COL18A1: variants seen among roughly 807,000 people sequenced by gnomAD.
The protein encoded by COL18A1 is collagen type XVIII alpha 1 chain.
COL18A1 carries 133 observed loss-of-function variants against 168.0 expected under a neutral mutation model. The observed-to-expected ratio is 0.79, with a 90% CI of 0.69 to 0.91. The LOEUF is 0.91. Ranked by LOEUF, COL18A1 falls within the 40% of genes least tolerant of loss-of-function variation. COL18A1 has a pLI of 0.00. For missense variants in COL18A1, 2,126 were observed against 1,925.4 expected, an observed-to-expected ratio of 1.10 and a Z score of -1.95; for synonymous variants, 949 against 809.0, an observed-to-expected ratio of 1.17 and a Z score of -2.94.
intron 2 of COL18A1, among the ~76,000 whole-genome samples, chr21:45,462,555 A>G (rs946972946): frequency 1.4e-4 from 21 of 152,040 alleles, no homozygotes; most frequent in African/African-American, 4.6e-4. Context: ...TGATGTTTTC[A>G]ATTTCAGCTA....
intron 19 of COL18A1, among the ~76,000 whole-genome samples, chr21:45,489,781 C>T (rs1201890858): frequency 1.3e-5 from 2 of 150,728 alleles, no homozygotes; most frequent in African/African-American, 2.4e-5. Context: ...CTGTGCAGGC[C>T]CCGTCGGCCC....
At chr21:45,481,764 C>G (rs977433852) in intron 13 of COL18A1, among the ~76,000 whole-genome samples, 199 bp from the exon 14 acceptor site, 6 of 152,242 alleles carry the variant, frequency 3.9e-5, no homozygotes, top group Non-Finnish European at 5.9e-5. Context: ...GCCATCTCAT[C>G]CTGCCAATGT....
rs1188793412 is a variant in COL18A1 at position 45,443,088 on chromosome 21, G to C, written c.107-25154G>C. Reference sequence around the variant, plus strand: ...TGGTGCTGGTGTGGGTGGTGGTGGTGCTGATGTGGGCGGCGGTGCTGGTGT... The same window carrying C: ...TGGTGCTGGTGTGGGTGGTGGTGGTCCTGATGTGGGCGGCGGTGCTGGTGT... On this transcript the variant is annotated intron_variant, in intron 2 of 41. Transcript: ENST00000651438. This position sits in a 1 kb window ranked among gnomAD's most constrained non-coding sequence, Gnocchi z 5.2. Among the ~76,000 whole-genome samples the C allele has an allele frequency of 3.0e-4, 41 of 135,588 alleles. 6 individuals are homozygous for C. The highest frequency in any genetic ancestry group is 1.2e-3 in the African/African-American group (40 of 34,334). The allele number at this position is 135,588 out of a possible 152,430, so 89.0% of individuals were successfully genotyped here.
intron 9 of COL18A1, among the ~76,000 whole-genome samples, chr21:45,479,613 A>G (rs1297460713): frequency 6.9e-6 from 1 of 145,170 alleles, no homozygotes; most frequent in African/African-American, 2.5e-5. Flanking sequence ...ACACACACAC[A>G]CACATGTATG....
chr21:45,407,024 G>A (rs1337034632), intron 2 of COL18A1, among the ~76,000 whole-genome samples: 1 of 152,166 alleles, frequency 6.6e-6, no homozygotes, highest in Non-Finnish European at 1.5e-5. Flanking sequence ...GTGGAAGGCG[G>A]GTGGCCAGGA....
rs116386571 is a variant in COL18A1, at chr21:45,433,962, G to T, written c.106+28489G>T. Reference sequence around the variant, plus strand: ...GCACGGTGGGAAAGAGACCATCAGGGGCGGAGGGGAATGAACACCCACCCT... The same window carrying T: ...GCACGGTGGGAAAGAGACCATCAGGTGCGGAGGGGAATGAACACCCACCCT... On this transcript the variant is annotated intron_variant, in intron 2 of 41. Coordinates refer to ENST00000651438, the MANE Select transcript of COL18A1 (RefSeq NM_001379500.1). Among the ~76,000 whole-genome samples the T allele has an allele frequency of 5.3e-3, 808 of 152,052 alleles. 9 individuals carry two copies. The highest frequency in any genetic ancestry group is 0.019 in the African/African-American group (785 of 41,386).
intron 15 of COL18A1, among the ~76,000 whole-genome samples, chr21:45,484,478 C>T (rs994116388): frequency 2.0e-5 from 3 of 150,614 alleles, no homozygotes; most frequent in African/African-American, 7.4e-5. Flanking sequence ...CACGCCTCTC[C>T]AGCATATGTG....
intron 2 of COL18A1, among the ~76,000 whole-genome samples, chr21:45,466,865 C>T (rs566960764): frequency 9.8e-5 from 15 of 152,364 alleles, no homozygotes; most frequent in African/African-American, 2.9e-4. Flanking sequence ...GTGGCTGGCA[C>T]GGCCTCTGGC....
chr21:45,481,554 T>C (rs3818660), intron 13 of COL18A1, among the ~76,000 whole-genome samples: 5,246 of 152,320 alleles, frequency 0.034, 225 homozygotes, highest in East Asian at 0.094. Flanking sequence ...CCGATGGGCA[T>C]TCACCGTCAC....
chr21:45,417,442 C>T (rs1037929808), intron 2 of COL18A1, among the ~76,000 whole-genome samples: 16 of 152,328 alleles, frequency 1.1e-4, no homozygotes, highest in South Asian at 4.1e-4. Flanking sequence ...GGCCCTTTCA[C>T]CTGCAGGTTC....
At position 45,505,388 on chromosome 21, in the gene COL18A1, CT is replaced by C. The variant is rs769432194; in HGVS notation, c.3045del (p.Pro1018LeufsTer13). 1.0e-5 allele frequency: 16 copies of C among 1,571,792 alleles called. No individual in the cohort carries two copies. Among genetic ancestry groups the C allele is most frequent in the Non-Finnish European group, 8.7e-7 (1 of 1,149,168 alleles). On this transcript the variant is annotated frameshift_variant, in exon 36 of 42. Coordinates refer to ENST00000651438, the MANE Select transcript of COL18A1 (RefSeq NM_001379500.1). LOFTEE classifies it high-confidence loss of function. ...AGCGTTCCCGGCCCTCCGGGCCCCC[CT>C]GGGCCCCCTGGGCCCCCTGGAACCA... ...TISVPGPPGP[P>X]GPPGPPGTMG...
Position 45,509,439 on chromosome 21 carries a change from C to T in COL18A1, c.3333C>T (p.Pro1111=), listed in dbSNP as rs1380703389. The T allele has an allele frequency of 4.6e-6, 7 of 1,534,546 alleles. No individual in the cohort carries two copies. The highest frequency in any genetic ancestry group is 1.4e-5 in the African/African-American group (1 of 72,814). The change falls in exon 39 of 42, where the codon CCC becomes CCT. Residue 1111 remains proline, a synonymous_variant. Coordinates refer to ENST00000651438, the MANE Select transcript of COL18A1 (RefSeq NM_001379500.1). ...NPYPRREHPH[P]TARPWRADDI... ...ACCCGCGGCGGGAGCACCCCCACCC[C>T]ACCGCGCGGCCCTGGCGGGCAGATG...
intron 2 of COL18A1, among the ~76,000 whole-genome samples, chr21:45,454,429 G>A (rs1474942192): frequency 6.6e-6 from 1 of 152,194 alleles, no homozygotes; most frequent in Non-Finnish European, 1.5e-5. Context: ...AGGGACTCCA[G>A]CTGGGGGAGC....
chr21:45,444,773 G>C (rs1158859707), intron 2 of COL18A1, among the ~76,000 whole-genome samples: 2 of 152,132 alleles, frequency 1.3e-5, no homozygotes, highest in East Asian at 3.9e-4. Context: ...ATGACTCCGT[G>C]TCCATACCCT....
At chr21:45,416,697 G>A (rs2033457460) in intron 2 of COL18A1, among the ~76,000 whole-genome samples, 1 of 152,170 alleles carries the variant, frequency 6.6e-6, no homozygotes, top group Non-Finnish European at 1.5e-5. Context: ...GATTGGAGCT[G>A]CATGCTGACT....
In COL18A1 at chr21:45,468,760, G is replaced by T. The variant is rs751236712; in HGVS notation, c.625G>T (p.Gly209Trp). The T allele has an allele frequency of 1.2e-6, 2 of 1,604,160 alleles. No homozygotes were observed. Among genetic ancestry groups the T allele is most frequent in the Non-Finnish European group, 1.7e-6 (2 of 1,179,380 alleles). ...CGCCGGGCTCTTCGTGGCTCAGGCG[G>T]GGGGAGCGGACCCTGACAAGTTCCA... Reference protein sequence around the residue: ...PGAGLFVAQAGGADPDKFQGV... With the variant: ...PGAGLFVAQAWGADPDKFQGV... The change falls in exon 3 of 42, where the codon GGG becomes TGG. Residue 209 changes from glycine to tryptophan, a missense_variant. By Grantham distance (184) the Gly-to-Trp change is radical. Coordinates refer to ENST00000651438, the MANE Select transcript of COL18A1 (RefSeq NM_001379500.1).
chr21:45,507,232 G>A, intron 37 of COL18A1: 1 of 371,894 alleles, frequency 2.7e-6, no homozygotes, highest in Non-Finnish European at 4.9e-6. Context: ...GCCGGGTGTT[G>A]GGGAGGGAGA....
At chr21:45,436,739 C>T (rs769247926) in intron 2 of COL18A1, among the ~76,000 whole-genome samples, 4 of 151,106 alleles carry the variant, frequency 2.6e-5, no homozygotes, top group Non-Finnish European at 5.9e-5. Context: ...AGGAGGGAGC[C>T]GTGGCTGTGG....
chr21:45,456,658 G>C (rs2034831196), intron 2 of COL18A1: 1 of 1,534,448 alleles, frequency 6.5e-7, no homozygotes, highest in Non-Finnish European at 8.7e-7. Context: ...GGGGGGGCCT[G>C]CTGCAGACGC....
Sources: allele counts gnomAD v4.1 joint callset (sites outside exome capture counted in the v4.1 genomes callset), GRCh38; gene constraint gnomAD v4.1.1; non-coding constraint Gnocchi (gnomAD v3.1); transcripts MANE v1.5; gene names NCBI Gene and HGNC (gene_info 2026-07-23, HGNC 2026-07-21).